PLEKHA5: variants seen among roughly 807,000 people sequenced by gnomAD.
PLEKHA5 encodes pleckstrin homology domain containing A5.
PLEKHA5 carries 55 observed loss-of-function variants against 181.9 expected under a neutral mutation model. That is an observed-to-expected ratio of 0.30 (90% CI 0.24 to 0.38). The LOEUF (loss-of-function observed/expected upper bound fraction) is 0.38, where lower values mean the gene tolerates loss of function less well. Ranked by LOEUF, PLEKHA5 falls within the 10% of genes least tolerant of loss-of-function variation. The pLI, the probability that PLEKHA5 is intolerant of heterozygous loss-of-function variation, is 1.00. For missense variants in PLEKHA5, 1,432 were observed against 1,549.5 expected (o/e 0.92, Z 1.27); for synonymous variants, 535 against 529.4 (o/e 1.01, Z -0.15).
At chr12:19,370,154 A>G (rs1298984127) in intron 31 of PLEKHA5, among the ~76,000 whole-genome samples, 7 of 152,238 alleles carry the variant, frequency 4.6e-5, no homozygotes, top group Admixed American at 6.5e-5. Flanking sequence ...CACGTTGACT[A>G]TGTAATGCTT....
chr12:19,282,371 T>C (rs2076370319), intron 11 of PLEKHA5, among the ~76,000 whole-genome samples: 1 of 152,190 alleles, frequency 6.6e-6, no homozygotes, highest in Non-Finnish European at 1.5e-5. Flanking sequence ...GATATTTAAG[T>C]ATTTTATCTT....
At chr12:19,366,869 G>C (rs2095436695) in intron 30 of PLEKHA5, among the ~76,000 whole-genome samples, 1 of 152,006 alleles carries the variant, frequency 6.6e-6, no homozygotes, top group Non-Finnish European at 1.5e-5. Flanking sequence ...AAAAAAACAA[G>C]TTGTTCTGTG....
chr12:19,311,077 A>C (rs1041186365), intron 15 of PLEKHA5, among the ~76,000 whole-genome samples: 2 of 152,032 alleles, frequency 1.3e-5, no homozygotes, highest in Non-Finnish European at 2.9e-5. Flanking sequence ...TTTTCACGAA[A>C]ACATTTCTCT....
rs1458504462 is a variant in PLEKHA5, at chr12:19,319,986, A to G, written c.2119-35A>G. 3 of 1,326,440 alleles carry G rather than the reference A, an allele frequency of 2.3e-6. No homozygotes were observed. In the African/African-American group the frequency reaches 4.5e-5, roughly 20 times the overall value. 82.2% of individuals were successfully genotyped at this position (1,326,440 alleles called of 1,614,324 possible). A position where few individuals can be genotyped will look rare whatever the true frequency, so the allele number is the denominator to read the frequency against. ...GATTTCGAATGATTTTCCTCTTTTC[A>G]ATTAAACCCATCCTTTTCCTTCATT... On this transcript the variant is annotated intron_variant, in intron 16 of 31. Transcript: ENST00000429027.
intron 7 of PLEKHA5, among the ~76,000 whole-genome samples, chr12:19,262,115 T>C (rs749259794): frequency 1.3e-5 from 2 of 152,194 alleles, no homozygotes; most frequent in Non-Finnish European, 2.9e-5. Flanking sequence ...TCAGGCATTA[T>C]CCTTAAGCTT....
At chr12:19,148,450 C>A (rs2039511268) in intron 3 of PLEKHA5, among the ~76,000 whole-genome samples, 1 of 152,218 alleles carries the variant, frequency 6.6e-6, no homozygotes, top group Non-Finnish European at 1.5e-5. Context: ...AGGCAGAGCC[C>A]CTGACCAGTA....
chr12:19,194,122 A>G (rs2052003229), intron 3 of PLEKHA5, among the ~76,000 whole-genome samples: 1 of 152,152 alleles, frequency 6.6e-6, no homozygotes, highest in Non-Finnish European at 1.5e-5. Flanking sequence ...GTCAGTCGCC[A>G]TTGTCCTTCA....
chr12:19,261,074 A>AT, intron 7 of PLEKHA5, 53 bp downstream of exon 7: 1 of 949,740 alleles, frequency 1.1e-6, no homozygotes, highest in East Asian at 2.4e-5. Context: ...TATGTAATAT[A>AT]AGTTAAGTAT....
At chr12:19,168,822 T>A (rs1179768109) in intron 3 of PLEKHA5, among the ~76,000 whole-genome samples, 5 of 152,166 alleles carry the variant, frequency 3.3e-5, no homozygotes, top group African/African-American at 1.2e-4. Flanking sequence ...GGTGAAATAA[T>A]GAGTCAATAT....
chr12:19,290,787 C>T lies in PLEKHA5; in HGVS notation c.1974C>T (p.His658=), dbSNP rs545033897. Residue 658 remains histidine, a synonymous_variant, in exon 14 of 32, where the codon CAC becomes CAT. Transcript: ENST00000429027. ...TCATGCAGCTAAAGCTTGAGGCCCA[C>T]AGCCCAAAGGTCAGCTATGGAGAGA... ...AQLMQLKLEA[H]SPKNEILSHH... is the part of the protein sequence containing the mutation. 6.5e-6 allele frequency: 10 copies of T among 1,534,172 alleles called. No homozygotes were observed. The South Asian group carries it at 9.5e-5, about 15-fold the overall frequency.
rs944436940 is a variant in PLEKHA5 at position 19,375,726 on chromosome 12, C to T, written c.*207C>T. 2.6e-5 allele frequency: 4 copies of T among 152,554 alleles called. No homozygotes were observed. The highest frequency in any genetic ancestry group is 9.7e-5 in the African/African-American group (4 of 41,428). 9.5% of individuals were successfully genotyped at this position (152,554 alleles called of 1,614,324 possible). ...ATGGCCCATATGTACACTTCGTAATCTCAAGGTTATTATTCTGACACCAGC... is the reference window on the plus strand; with the variant it reads ...ATGGCCCATATGTACACTTCGTAATTTCAAGGTTATTATTCTGACACCAGC... On this transcript the variant is annotated 3_prime_UTR_variant, in exon 32 of 32. Coordinates refer to ENST00000429027, the MANE Select transcript of PLEKHA5 (RefSeq NM_001256470.2).
intron 3 of PLEKHA5, among the ~76,000 whole-genome samples, chr12:19,183,053 A>G (rs1292673999): frequency 6.6e-6 from 1 of 152,200 alleles, no homozygotes; most frequent in African/African-American, 2.4e-5. Flanking sequence ...TAAAGTTTAA[A>G]AACCACTAGT....
intron 3 of PLEKHA5, among the ~76,000 whole-genome samples, chr12:19,219,197 A>G (rs1019517208): frequency 4.6e-5 from 7 of 152,136 alleles, no homozygotes; most frequent in African/African-American, 1.7e-4. Flanking sequence ...GGACTTGCAT[A>G]TGCACTGATT....
At chr12:19,306,481 C>T (rs951740076) in intron 15 of PLEKHA5, 1 of 681,152 alleles carries the variant, frequency 1.5e-6, no homozygotes, top group Non-Finnish European at 2.8e-6. Flanking sequence ...ACCGGTTCCT[C>T]TTCCCCCTCC....
chr12:19,143,792 G>A (rs897860978), intron 3 of PLEKHA5, among the ~76,000 whole-genome samples: 7 of 151,858 alleles, frequency 4.6e-5, no homozygotes, highest in Non-Finnish European at 7.4e-5. Flanking sequence ...TCCTTATATC[G>A]TTATATATTT....
chr12:19,129,771 A>T lies in PLEKHA5; in HGVS notation c.-29A>T. Reference sequence around the variant, plus strand: ...TCGGCAGCCGCGGCGGCAGCAGGAGAAGGCGGCGGCGGCGGCTAGGGATCA... The same window carrying T: ...TCGGCAGCCGCGGCGGCAGCAGGAGTAGGCGGCGGCGGCGGCTAGGGATCA... On this transcript the variant is annotated 5_prime_UTR_variant, in exon 1 of 32. Transcript: ENST00000429027. 1 of 1,535,030 alleles carries T rather than the reference A, an allele frequency of 6.5e-7. No individual in the cohort carries two copies. Among genetic ancestry groups the T allele is most frequent in the Non-Finnish European group, 8.9e-7 (1 of 1,120,964 alleles).
At chr12:19,184,372 T>G (rs1221139508) in intron 3 of PLEKHA5, among the ~76,000 whole-genome samples, 3 of 152,174 alleles carry the variant, frequency 2.0e-5, no homozygotes. Flanking sequence ...CCCTTTCTCA[T>G]TAAACATTTG....
chr12:19,236,116 G>A (rs1256780648), intron 3 of PLEKHA5, among the ~76,000 whole-genome samples: 1 of 152,148 alleles, frequency 6.6e-6, no homozygotes, highest in East Asian at 1.9e-4. Flanking sequence ...AAGAAAGCAT[G>A]TTGCAAAACA....
intron 15 of PLEKHA5, 32 bp downstream of exon 15, chr12:19,291,729 T>C (rs1353005612): frequency 1.7e-6 from 2 of 1,181,522 alleles, no homozygotes; most frequent in Non-Finnish European, 2.4e-6. Flanking sequence ...TTACTTTTAA[T>C]ACTTAATAGA....
Sources: allele counts gnomAD v4.1 joint callset (sites outside exome capture counted in the v4.1 genomes callset), GRCh38; gene constraint gnomAD v4.1.1; transcripts MANE v1.5; gene names NCBI Gene and HGNC (gene_info 2026-07-23, HGNC 2026-07-21).